Variants in CYP2C19 observed in about 807,000 individuals in gnomAD.
The protein encoded by CYP2C19 is cytochrome P450 family 2 subfamily C member 19.
A neutral mutation model predicts 40.9 loss-of-function variants in CYP2C19; 59 were observed. The observed-to-expected ratio is 1.44, with a 90% confidence interval of 1.17 to 1.79. CYP2C19 has a LOEUF of 1.79. CYP2C19 is among the 40% of genes most tolerant of loss of function. The pLI is 0.00. For missense variants in CYP2C19, 754 were observed against 596.9 expected, an observed-to-expected ratio of 1.26 and a Z score of -2.74; for synonymous variants, 253 against 208.7, an observed-to-expected ratio of 1.21 and a Z score of -1.83.
At chr10:94,849,691 C>G (rs1849623625) in intron 7 of CYP2C19, among the ~76,000 whole-genome samples, 1 of 135,312 alleles carries the variant, frequency 7.4e-6, no homozygotes, top group African/African-American at 2.8e-5. Context: ...TCCATGTGTT[C>G]TCATTGTTCA....
At chr10:94,780,934 T>C (rs17884938) in intron 4 of CYP2C19, among the ~76,000 whole-genome samples, 11 of 152,164 alleles carry the variant, frequency 7.2e-5, no homozygotes, top group African/African-American at 2.7e-4. Context: ...TAAAGTACTT[T>C]GGTGACAGCC....
intron 2 of CYP2C19, 77 bp from the exon 3 acceptor site, chr10:94,775,313 T>C: frequency 1.2e-6 from 2 of 1,612,380 alleles, no homozygotes; most frequent in Non-Finnish European, 1.7e-6. Flanking sequence ...GCTTGGCCCA[T>C]CCACATGGCT....
intron 5 of CYP2C19, among the ~76,000 whole-genome samples, chr10:94,785,900 G>A (rs1848533589): frequency 6.6e-6 from 1 of 152,052 alleles, no homozygotes; most frequent in Admixed American, 6.6e-5. Context: ...AAGTCCATTT[G>A]CATAATAACA....
intron 5 of CYP2C19, among the ~76,000 whole-genome samples, chr10:94,806,381 T>C (rs1357946261): frequency 1.3e-5 from 2 of 152,118 alleles, no homozygotes; most frequent in Non-Finnish European, 2.9e-5. Flanking sequence ...TAAATATCTC[T>C]TTGATGTGCT....
At chr10:94,852,600 C>A in intron 8 of CYP2C19, 133 bp from the exon 9 acceptor site, 1 of 904,492 alleles carries the variant, frequency 1.1e-6, no homozygotes, top group Non-Finnish European at 1.7e-6. Context: ...AACCACCCAT[C>A]TATCTACTCA....
chr10:94,829,065 A>G (rs1489457923), intron 6 of CYP2C19, among the ~76,000 whole-genome samples: 1 of 152,160 alleles, frequency 6.6e-6, no homozygotes, highest in Non-Finnish European at 1.5e-5. Context: ...CTTTGAGGGT[A>G]ACCCGACCTT....
intron 7 of CYP2C19, among the ~76,000 whole-genome samples, chr10:94,843,602 C>T (rs1405005818): frequency 1.3e-5 from 2 of 152,164 alleles, no homozygotes; most frequent in African/African-American, 2.4e-5. Flanking sequence ...TTTTATCATT[C>T]TGATGACCTT....
Position 94,853,070 on chromosome 10 carries a change from T to C in CYP2C19, c.*156T>C, listed in dbSNP as rs1335616294. The C allele has an allele frequency of 1.3e-6, 1 of 750,984 alleles. No individual in the cohort carries two copies. Among genetic ancestry groups the C allele is most frequent in the African/African-American group, 1.8e-5 (1 of 56,682 alleles). 46.5% of individuals were successfully genotyped at this position (750,984 alleles called of 1,614,324 possible). A position where few individuals can be genotyped will look rare whatever the true frequency, so the allele number is the denominator to read the frequency against. On this transcript the variant is annotated 3_prime_UTR_variant, in exon 9 of 9. Coordinates refer to ENST00000371321, the MANE Select transcript of CYP2C19 (RefSeq NM_000769.4). ...ACATTCAGCCTCCATTAAAAAAGTT[T>C]CACTGTGCAAATATATCTGCTATTC...
chr10:94,850,083 T>C (rs1160193891), intron 8 of CYP2C19, 25 bp downstream of exon 8: 5 of 1,612,606 alleles, frequency 3.1e-6, no homozygotes, highest in Non-Finnish European at 4.2e-6. Context: ...TTTCCCTTTG[T>C]GTTTCAGGGT....
intron 5 of CYP2C19, among the ~76,000 whole-genome samples, chr10:94,787,859 T>C (rs1179118524): frequency 5.9e-5 from 9 of 151,928 alleles, no homozygotes; most frequent in African/African-American, 1.9e-4. Context: ...GGCTCTTCTT[T>C]GGTTTCAAAC....
chr10:94,825,798 G>C (rs71482320), intron 6 of CYP2C19, among the ~76,000 whole-genome samples: 20,287 of 132,220 alleles, frequency 0.15, 1,593 homozygotes, highest in South Asian at 0.3. Flanking sequence ...TAGGTCTAAC[G>C]TTTAAGTCTT....
chr10:94,853,158 T>G lies in CYP2C19; in HGVS notation c.*244T>G, dbSNP rs969177240. 1.0e-5 allele frequency: 5 copies of G among 496,558 alleles called. No homozygotes were observed. The highest frequency in any genetic ancestry group is 7.7e-5 in the African/African-American group (4 of 51,646). 30.8% of individuals were successfully genotyped at this position (496,558 alleles called of 1,614,324 possible). ...TGCTGATACTTGTCTAATGTTGAGT[T>G]ATTAACATATTATTATTAAATAGAG... On this transcript the variant is annotated 3_prime_UTR_variant, in exon 9 of 9. Coordinates refer to ENST00000371321, the MANE Select transcript of CYP2C19 (RefSeq NM_000769.4).
rs986322065 is a variant in CYP2C19 at position 94,853,701 on chromosome 10, A to T, written c.*787A>T. On this transcript the variant is annotated 3_prime_UTR_variant, in exon 9 of 9. Transcript: ENST00000371321. ...GCTGGGATTACAGACACGTGCCACC[A>T]TGCCTGGCTAATTTTTTTGTATTTT... is the stretch of plus-strand genomic sequence containing the variant. Among the ~76,000 whole-genome samples the T allele has an allele frequency of 1.3e-5, 2 of 151,998 alleles. No individual in the cohort carries two copies. The highest frequency in any genetic ancestry group is 2.9e-5 in the Non-Finnish European group (2 of 67,972).
intron 7 of CYP2C19, among the ~76,000 whole-genome samples, chr10:94,847,919 C>T (rs144599632): frequency 7.9e-5 from 12 of 151,752 alleles, no homozygotes; most frequent in African/African-American, 1.5e-4. Flanking sequence ...CTTTTTGATG[C>T]GGTTGTTTGT....
intron 6 of CYP2C19, among the ~76,000 whole-genome samples, chr10:94,837,791 C>T (rs1431363694): frequency 6.6e-6 from 1 of 152,130 alleles, no homozygotes; most frequent in African/African-American, 2.4e-5. Flanking sequence ...GGGGCTTGCC[C>T]CAGGCACCCT....
rs7079533 is a variant in CYP2C19 at position 94,816,025 on chromosome 10, T to C, written c.820-4471T>C. On this transcript the variant is annotated intron_variant, in intron 5 of 8. Coordinates refer to ENST00000371321, the MANE Select transcript of CYP2C19 (RefSeq NM_000769.4). ...TTTAACAGAAAATGTCTTTATGTCTTCTCATTTGTGTTTTGAGAATGAAAG... is the reference window on the plus strand; with the variant it reads ...TTTAACAGAAAATGTCTTTATGTCTCCTCATTTGTGTTTTGAGAATGAAAG... 8.4e-3 allele frequency among the ~76,000 whole-genome samples: 1,274 copies of C among 152,270 alleles called. 23 individuals are homozygous for C. Among genetic ancestry groups the C allele is most frequent in the East Asian group, 0.061 (317 of 5,180 alleles).
At position 94,803,160 on chromosome 10, in the gene CYP2C19, G is replaced by C. The variant is rs902655820; in HGVS notation, c.820-17336G>C. On this transcript the variant is annotated intron_variant, in intron 5 of 8. Transcript: ENST00000371321. ...TTCATGGTGCCAGAATTCTTATGCT[G>C]GTTTCTTCTTATTTGGAGAGGCAAC... is the stretch of plus-strand genomic sequence containing the variant. Among the ~76,000 whole-genome samples, 10 of 152,198 alleles carry C rather than the reference G, an allele frequency of 6.6e-5. No individual in the cohort carries two copies. In the South Asian group the frequency reaches 2.1e-3, roughly 32 times the overall value.
At chr10:94,778,304 C>G (rs374679593) in intron 3 of CYP2C19, among the ~76,000 whole-genome samples, 98 of 152,274 alleles carry the variant, frequency 6.4e-4, no homozygotes, top group African/African-American at 2.3e-3. Context: ...TCCTCGTCCT[C>G]TCCCTCACGG....
rs372981761 is a variant in CYP2C19 at position 94,852,935 on chromosome 10, T to C, written c.*21T>C. On this transcript the variant is annotated 3_prime_UTR_variant, in exon 9 of 9. Transcript: ENST00000371321. ...TCTGAAGAAGCACAGATGGTCTGGC[T>C]GCTCCTGTGCTGTCCCTGCAGCTCT... 2.4e-5 allele frequency: 39 copies of C among 1,613,104 alleles called. No individual in the cohort carries two copies. Among genetic ancestry groups the C allele is most frequent in the Non-Finnish European group, 3.1e-5 (37 of 1,179,310 alleles).
Sources: allele counts gnomAD v4.1 joint callset (sites outside exome capture counted in the v4.1 genomes callset), GRCh38; gene constraint gnomAD v4.1.1; transcripts MANE v1.5; gene names NCBI Gene and HGNC (gene_info 2026-07-23, HGNC 2026-07-21).